The following TCF12 variants were observed in gnomAD, a reference collection of about 807,000 sequenced individuals.
TCF12 encodes transcription factor 12.
A neutral mutation model predicts 86.0 loss-of-function variants in TCF12; 45 were observed. The observed-to-expected ratio is 0.52, with a 90% CI of 0.41 to 0.67. The LOEUF is 0.67. TCF12 is among the 30% of genes least tolerant of loss of function. TCF12 has a pLI of 0.00. For synonymous variants in TCF12, 330 were observed against 299.6 expected, an observed-to-expected ratio of 1.10 and a Z score of -1.05; for missense variants, 881 against 859.9, an observed-to-expected ratio of 1.02 and a Z score of -0.31.
rs2057210594 is a variant in TCF12 at position 57,195,463 on chromosome 15, T to A, written c.527-2310T>A. ...TTTCGTACAAGGAGTATGGCTTTTG[T>A]TCAAGGGAATGCTGTATTAGTTGTG... On this transcript the variant is annotated intron_variant, in intron 7 of 20. Coordinates refer to ENST00000333725, the MANE Select transcript of TCF12 (RefSeq NM_207037.2). Among the ~76,000 whole-genome samples, 4 of 152,358 alleles carry A rather than the reference T, an allele frequency of 2.6e-5. No individual in the cohort carries two copies. In the South Asian group the frequency reaches 8.3e-4, roughly 32 times the overall value.
intron 16 of TCF12, among the ~76,000 whole-genome samples, chr15:57,255,608 C>T (rs368842917): frequency 1.1e-4 from 17 of 152,004 alleles, no homozygotes; most frequent in African/African-American, 3.1e-4. Flanking sequence ...CTCAGCCTCC[C>T]GAATAGCTGG....
chr15:57,160,547 A>G (rs529966459), intron 5 of TCF12, among the ~76,000 whole-genome samples: 1 of 152,092 alleles, frequency 6.6e-6, no homozygotes, highest in Non-Finnish European at 1.5e-5. Flanking sequence ...ATATATTATC[A>G]AATACTAGAT....
intron 3 of TCF12, among the ~76,000 whole-genome samples, chr15:56,928,706 A>C (rs1319248067): frequency 1.3e-5 from 2 of 152,204 alleles, no homozygotes; most frequent in Non-Finnish European, 2.9e-5. Flanking sequence ...GAGAATGTGT[A>C]CACCTTTTGA....
intron 8 of TCF12, among the ~76,000 whole-genome samples, chr15:57,227,303 GA>G (rs2058935176): frequency 6.6e-6 from 1 of 152,096 alleles, no homozygotes; most frequent in Non-Finnish European, 1.5e-5. Flanking sequence ...TTAATTACAG[GA>G]AAGATGTATT....
intron 8 of TCF12, among the ~76,000 whole-genome samples, chr15:57,199,794 T>C (rs1245897223): frequency 6.6e-6 from 1 of 152,200 alleles, no homozygotes; most frequent in Non-Finnish European, 1.5e-5. Context: ...TTAAATGTTA[T>C]TAAGGATGTA....
intron 5 of TCF12, among the ~76,000 whole-genome samples, chr15:57,097,047 C>CT (rs1162695231): frequency 6.6e-6 from 1 of 152,104 alleles, no homozygotes; most frequent in African/African-American, 2.4e-5. Flanking sequence ...GTGGATTTGT[C>CT]TGGGAATTTA....
chr15:56,996,958 A>G (rs1225512672), intron 3 of TCF12, among the ~76,000 whole-genome samples: 1 of 152,222 alleles, frequency 6.6e-6, no homozygotes, highest in Non-Finnish European at 1.5e-5. Flanking sequence ...GCTTTGTTAA[A>G]AAGTCACAAA....
intron 5 of TCF12, chr15:57,118,567 T>C (rs2051003546): frequency 6.6e-6 from 1 of 152,224 alleles, no homozygotes; most frequent in African/African-American, 2.4e-5. Context: ...CTTCTGAACT[T>C]GCCTGTGGAA....
chr15:57,098,222 A>G (rs2049477076), intron 5 of TCF12, among the ~76,000 whole-genome samples: 1 of 151,980 alleles, frequency 6.6e-6, no homozygotes, highest in Non-Finnish European at 1.5e-5. Context: ...ACAGAAAAAG[A>G]AACATGGCAT....
At chr15:57,067,991 T>C (rs995229104) in intron 4 of TCF12, among the ~76,000 whole-genome samples, 4 of 152,166 alleles carry the variant, frequency 2.6e-5, no homozygotes, top group Admixed American at 6.5e-5. Context: ...CCAGAGAATA[T>C]TGTGGTTGTT....
chr15:57,174,698 A>G (rs1023760606), intron 6 of TCF12, among the ~76,000 whole-genome samples: 3 of 152,252 alleles, frequency 2.0e-5, no homozygotes, highest in Admixed American at 6.5e-5. Context: ...TACAAAGTCA[A>G]TCTAAAAAAT....
intron 5 of TCF12, 87 bp from the exon 6 acceptor site, chr15:57,166,315 A>G: frequency 9.4e-7 from 1 of 1,063,606 alleles, no homozygotes; most frequent in East Asian, 2.5e-5. Context: ...TTAAAACTGC[A>G]ATATAATTAC....
At chr15:57,198,595 AT>A (rs2057384122) in intron 8 of TCF12, among the ~76,000 whole-genome samples, 1 of 152,194 alleles carries the variant, frequency 6.6e-6, no homozygotes, top group African/African-American at 2.4e-5. Flanking sequence ...TGCATCGTAA[AT>A]CTACCTACAA....
At chr15:56,935,366 G>A (rs1010838396) in intron 3 of TCF12, among the ~76,000 whole-genome samples, 5 of 152,136 alleles carry the variant, frequency 3.3e-5, no homozygotes, top group African/African-American at 1.2e-4. Context: ...CTTCTGGTGA[G>A]GGCTCTCTTT....
At chr15:57,029,745 C>G (rs1325584794) in intron 3 of TCF12, among the ~76,000 whole-genome samples, 1 of 152,170 alleles carries the variant, frequency 6.6e-6, no homozygotes, top group Non-Finnish European at 1.5e-5. Flanking sequence ...TTTCTCACCT[C>G]TTAATCCCTG....
At chr15:57,090,561 C>T (rs116915857) in intron 4 of TCF12, among the ~76,000 whole-genome samples, 3,740 of 152,254 alleles carry the variant, frequency 0.025, 77 homozygotes, top group Non-Finnish European at 0.037. Flanking sequence ...TTATTTAGCC[C>T]TCTATTCCTA....
At position 56,946,598 on chromosome 15, in the gene TCF12, T is replaced by G. The variant is rs2061007279; in HGVS notation, c.148+25500T>G. On this transcript the variant is annotated intron_variant, in intron 3 of 20. Transcript: ENST00000333725. Reference sequence around the variant, plus strand: ...TTTTCTTCTGGTTATGGGTCACATTTTTCTGCTGCTGCACATGCCTTGTAG... The same window carrying G: ...TTTTCTTCTGGTTATGGGTCACATTGTTCTGCTGCTGCACATGCCTTGTAG... Among the ~76,000 whole-genome samples, 4 of 152,136 alleles carry G rather than the reference T, an allele frequency of 2.6e-5. No homozygotes were observed. In the South Asian group the frequency reaches 8.3e-4, roughly 31 times the overall value.
At position 57,251,333 on chromosome 15, in the gene TCF12, C is replaced by T; in HGVS notation, c.1115-17C>T. On this transcript the variant is annotated splice_polypyrimidine_tract_variant and intron_variant, in intron 13 of 20. Coordinates refer to ENST00000333725, the MANE Select transcript of TCF12 (RefSeq NM_207037.2). ...CTGAGTTAACCCAGGTGTGTGGCTA[C>T]TTTTGGGTTTTAACAGGTACCAGTC... is the stretch of plus-strand genomic sequence containing the variant. The T allele has an allele frequency of 6.2e-7, 1 of 1,613,348 alleles. No individual in the cohort carries two copies. Among genetic ancestry groups the T allele is most frequent in the Non-Finnish European group, 8.5e-7 (1 of 1,179,470 alleles).
intron 3 of TCF12, among the ~76,000 whole-genome samples, chr15:56,976,544 C>T (rs1278984222): frequency 2.6e-5 from 4 of 151,810 alleles, no homozygotes; most frequent in African/African-American, 9.7e-5. Context: ...ACAGCTAATA[C>T]ATGAGGAAGG....
Sources: gnomAD v4.1 joint callset for allele counts (sites outside exome capture counted in the v4.1 genomes callset) on GRCh38, gnomAD v4.1.1 for gene constraint, MANE v1.5 for transcripts, NCBI Gene and HGNC (gene_info 2026-07-23, HGNC 2026-07-21) for gene names.